POLR2D: variants seen among roughly 807,000 people sequenced by gnomAD.
POLR2D encodes the protein RNA polymerase II subunit D, also known as DNA-directed RNA polymerase II subunit RPB4.
Under a neutral mutation model 17.6 loss-of-function variants are expected in POLR2D, and 10 were observed. The ratio of observed to expected loss-of-function variants is 0.57; its 90% CI spans 0.35 to 0.96. The LOEUF (loss-of-function observed/expected upper bound fraction) is 0.96, where lower values mean the gene tolerates loss of function less well. Ranked by LOEUF, POLR2D falls within the 40% of genes least tolerant of loss-of-function variation. The probability of loss-of-function intolerance (pLI) is 0.02; values close to 1 mark genes in which losing one functional copy is unlikely to be tolerated. For missense variants in POLR2D, 126 were observed against 176.4 expected (o/e 0.71, Z 1.62); for synonymous variants, 52 against 60.2 (o/e 0.86, Z 0.63).
rs1371737112 is a variant in POLR2D at position 127,847,249 on chromosome 2, A to C, written c.*858T>G. On this transcript the variant is annotated 3_prime_UTR_variant, in exon 4 of 4. Transcript: ENST00000272645. ...AGGGGCTATGGGCTCCACAATACTT[A>C]GCACTTGTCCCCAAGTGTAAACACT... 1 of 152,252 alleles carries C rather than the reference A, an allele frequency of 6.6e-6. No individual in the cohort carries two copies. The allele number at this position is 152,252 out of a possible 1,614,324, so 9.4% of individuals were successfully genotyped here.
Position 127,848,175 on chromosome 2 carries a change from G to C in POLR2D, c.361C>G (p.Arg121Gly), listed in dbSNP as rs1246900545. The C allele has an allele frequency of 6.2e-7, 1 of 1,609,334 alleles. No individual in the cohort carries two copies. Among genetic ancestry groups the C allele is most frequent in the African/African-American group, 1.3e-5 (1 of 74,762 alleles). Residue 121 changes from arginine (R) to glycine (G), a missense_variant, in exon 4 of 4, where the codon CGG becomes GGG. Coordinates refer to ENST00000272645, the MANE Select transcript of POLR2D (RefSeq NM_004805.4). ...TGCTGCAGCTCCTCATCTTCAAACCGTCCCTCCAAGCTACAAGAAAATGAA... is the reference window on the plus strand; with the variant it reads ...TGCTGCAGCTCCTCATCTTCAAACCCTCCCTCCAAGCTACAAGAAAATGAA... ...SKALIPSLEG[R>G]FEDEELQQIL...
intron 2 of POLR2D, among the ~76,000 whole-genome samples, chr2:127,850,951 T>C (rs978147303): frequency 1.3e-5 from 2 of 152,160 alleles, no homozygotes; most frequent in African/African-American, 2.4e-5. Context: ...CAAGGCGCAG[T>C]GGCTCACGCC....
intron 1 of POLR2D, among the ~76,000 whole-genome samples, chr2:127,855,301 G>A (rs1393098843): frequency 6.7e-6 from 1 of 149,812 alleles, no homozygotes; most frequent in Non-Finnish European, 1.5e-5. Flanking sequence ...GCCGAGGCAG[G>A]AGAATTGCTT....
At chr2:127,850,138 C>A (rs1690227548) in intron 3 of POLR2D, among the ~76,000 whole-genome samples, 1 of 151,734 alleles carries the variant, frequency 6.6e-6, no homozygotes, top group South Asian at 2.1e-4. Context: ...CATTCTCACA[C>A]ACTGTTAAAA....
intron 1 of POLR2D, 28 bp downstream of exon 1, chr2:127,857,999 CG>C: frequency 1.3e-6 from 2 of 1,574,676 alleles, no homozygotes; most frequent in Non-Finnish European, 1.7e-6. Flanking sequence ...CGAAGTGGCG[CG>C]GGGGAGTCTG....
chr2:127,856,902 G>C (rs992147696), intron 1 of POLR2D: 3 of 152,028 alleles, frequency 2.0e-5, no homozygotes, highest in African/African-American at 7.2e-5. Context: ...CGGGTGTGGT[G>C]GTGGGCACCT....
At chr2:127,850,266 C>T (rs1183707487) in intron 3 of POLR2D, among the ~76,000 whole-genome samples, 1 of 151,770 alleles carries the variant, frequency 6.6e-6, no homozygotes, top group African/African-American at 2.4e-5. Context: ...CATGGAGATA[C>T]CCCATCTCTA....
rs548726359 is a variant in POLR2D at position 127,845,747 on chromosome 2, A to C, written c.*2360T>G. 4 of 152,194 alleles carry C rather than the reference A, an allele frequency of 2.6e-5. No homozygotes were observed. Among genetic ancestry groups the C allele is most frequent in the African/African-American group, 9.6e-5 (4 of 41,456 alleles). The allele number at this position is 152,194 out of a possible 1,614,324, so 9.4% of individuals were successfully genotyped here. A position where few individuals can be genotyped will look rare whatever the true frequency, so the allele number is the denominator to read the frequency against. On this transcript the variant is annotated 3_prime_UTR_variant, in exon 4 of 4. Transcript: ENST00000272645. ...CAAATTCTTGCACTAATTTCTATGA[A>C]GCAAGCTGACTTAATCATCTATCTA...
At chr2:127,857,972 G>A in intron 1 of POLR2D, 56 bp downstream of exon 1, 1 of 1,560,766 alleles carries the variant, frequency 6.4e-7, no homozygotes, top group Non-Finnish European at 8.6e-7. Context: ...CATAACGCCA[G>A]GCCTGCGGCG....
intron 1 of POLR2D, among the ~76,000 whole-genome samples, chr2:127,856,307 A>AAAAAAAAAAAAAAAAAAAAAAAC: frequency 6.8e-6 from 1 of 147,128 alleles, no homozygotes; most frequent in East Asian, 2.0e-4. Context: ...AAAAAAAAAA[A>AAAAAAAAAAAAAAAAAAAAAAAC]AAGGCAGGGT....
In POLR2D at chr2:127,849,275, T is replaced by C. The variant is rs942977039; in HGVS notation, c.351-1090A>G. On this transcript the variant is annotated intron_variant, in intron 3 of 3. Transcript: ENST00000272645. ...CCAGGATGGTCTCAACCTCCTGACC[T>C]TGTGATCCACCTGCCTCGGCCTCCC... Among the ~76,000 whole-genome samples, 5 of 147,196 alleles carry C rather than the reference T, an allele frequency of 3.4e-5. No homozygotes were observed. In the East Asian group the frequency reaches 6.3e-4, roughly 19 times the overall value.
chr2:127,849,625 T>A (rs1690213952), intron 3 of POLR2D, among the ~76,000 whole-genome samples: 2 of 151,338 alleles, frequency 1.3e-5, no homozygotes, highest in Admixed American at 1.3e-4. Flanking sequence ...TATGTTGATA[T>A]TCCATGTGGT....
chr2:127,843,592 A>G lies in POLR2D; in HGVS notation c.*4515T>C, dbSNP rs1463002579. 1 of 152,268 alleles carries G rather than the reference A, an allele frequency of 6.6e-6. No homozygotes were observed. The highest frequency in any genetic ancestry group is 1.9e-4 in the East Asian group (1 of 5,192). The allele number at this position is 152,268 out of a possible 1,614,324, so 9.4% of individuals were successfully genotyped here. The stretch of plus-strand genomic sequence containing the variant: ...TTTTATTAACAGTATTACTAAGGCA[A>G]CTCATCGATGCTGAAGTCCCATCCA... On this transcript the variant is annotated 3_prime_UTR_variant, in exon 4 of 4. Transcript: ENST00000272645.
intron 1 of POLR2D, among the ~76,000 whole-genome samples, chr2:127,855,947 G>A (rs1271305990): frequency 3.3e-5 from 5 of 152,098 alleles, no homozygotes; most frequent in Non-Finnish European, 7.4e-5. Context: ...CAACTCCTTG[G>A]CTGTATGTCA....
In POLR2D at chr2:127,843,914, C is replaced by T. The variant is rs1690108072; in HGVS notation, c.*4193G>A. ...CTAGAGGTCAGAAATTCCAGACCAG[C>T]CTGGGCAACATGGCGAAACCCCGTC... On this transcript the variant is annotated 3_prime_UTR_variant, in exon 4 of 4. Transcript: ENST00000272645. The T allele has an allele frequency of 6.5e-6, 1 of 153,434 alleles. No homozygotes were observed. The highest frequency in any genetic ancestry group is 6.6e-5 in the Admixed American group (1 of 15,214). The allele number at this position is 153,434 out of a possible 1,614,324, so 9.5% of individuals were successfully genotyped here. A position where few individuals can be genotyped will look rare whatever the true frequency, so the allele number is the denominator to read the frequency against.
chr2:127,857,920 T>C, intron 1 of POLR2D, 108 bp downstream of exon 1: 1 of 1,459,844 alleles, frequency 6.9e-7, no homozygotes, highest in Non-Finnish European at 9.1e-7. Flanking sequence ...GCGCTGGGGC[T>C]TGCCCAAGCC....
intron 2 of POLR2D, 32 bp from the exon 3 acceptor site, chr2:127,850,717 A>G: frequency 1.0e-6 from 1 of 999,366 alleles, no homozygotes; most frequent in Non-Finnish European, 1.6e-6. Context: ...AAATCAAAAT[A>G]ATCAAAAACA....
rs1036458353 is a variant in POLR2D at position 127,852,214 on chromosome 2, T to G, written c.254+711A>C. On this transcript the variant is annotated intron_variant, in intron 2 of 3. Transcript: ENST00000272645. The surrounding 1 kb of genome is among the most constrained non-coding windows in gnomAD (Gnocchi z 4.0). Reference sequence around the variant, plus strand: ...ATAACAAAAAAAGTTACTTCCCCACTAACAGTACCATTTAGATCACACATA... The same window carrying G: ...ATAACAAAAAAAGTTACTTCCCCACGAACAGTACCATTTAGATCACACATA... Among the ~76,000 whole-genome samples, 3 of 152,110 alleles carry G rather than the reference T, an allele frequency of 2.0e-5. No individual in the cohort carries two copies. The highest frequency in any genetic ancestry group is 4.8e-5 in the African/African-American group (2 of 41,412).
At chr2:127,855,906 T>C (rs998369421) in intron 1 of POLR2D, among the ~76,000 whole-genome samples, 12 of 152,168 alleles carry the variant, frequency 7.9e-5, no homozygotes, top group Non-Finnish European at 1.3e-4. Context: ...ACAATGGCCA[T>C]AATTAATCTC....
Sources: allele counts gnomAD v4.1 joint callset (sites outside exome capture counted in the v4.1 genomes callset), GRCh38; gene constraint gnomAD v4.1.1; non-coding constraint Gnocchi (gnomAD v3.1); transcripts MANE v1.5; gene names NCBI Gene and HGNC (gene_info 2026-07-23, HGNC 2026-07-21).